The following KLC2 variants were observed in gnomAD, a reference collection of about 807,000 sequenced individuals.
KLC2 encodes kinesin light chain 2.
In KLC2, 35 loss-of-function variants were observed where a neutral mutation model predicts 75.1. That is an observed-to-expected ratio of 0.47 (90% CI 0.36 to 0.62). KLC2 has a LOEUF of 0.62. Among genes scored for constraint, KLC2 ranks in the 20% least tolerant of loss-of-function variants. The pLI is 0.00. For missense variants in KLC2, 611 were observed against 833.2 expected (o/e 0.73, Z 3.28); for synonymous variants, 314 against 336.7 (o/e 0.93, Z 0.74).
chr11:66,265,836 C>A lies in KLC2; in HGVS notation c.1444-18C>A. ...GGTGTGGTCCATTCACTGCCTGATG[C>A]CCCTGCCCCTCCCTCAGGGTTTGGA... On this transcript the variant is annotated intron_variant, in intron 12 of 15. Coordinates refer to ENST00000394067, the MANE Select transcript of KLC2 (RefSeq NM_001318734.2). 6.3e-7 allele frequency: 1 copy of A among 1,580,724 alleles called. No homozygotes were observed. Among genetic ancestry groups the A allele is most frequent in the Non-Finnish European group, 8.6e-7 (1 of 1,158,878 alleles).
chr11:66,262,225 A>C, intron 4 of KLC2, 33 bp downstream of exon 4: 1 of 1,581,878 alleles, frequency 6.3e-7, no homozygotes, highest in Non-Finnish European at 8.7e-7. Context: ...TGGGGGAAGG[A>C]AAGGTTGTGT....
In KLC2 at chr11:66,267,563, A is replaced by G. The variant is rs1001448336; in HGVS notation, c.*607A>G. ...CTGAGGGATGCGTCCTACCCGCGCC[A>G]TCGCCCCGTGGCCCAGGACGGGGAC... On this transcript the variant is annotated 3_prime_UTR_variant, in exon 16 of 16. Transcript: ENST00000394067. 2.6e-5 allele frequency: 16 copies of G among 627,044 alleles called. No homozygotes were observed. The highest frequency in any genetic ancestry group is 4.4e-5 in the Non-Finnish European group (15 of 343,244). The allele number at this position is 627,044 out of a possible 1,614,324, so 38.8% of individuals were successfully genotyped here.
rs763189913 is a variant in KLC2, at chr11:66,262,999, G to A, written c.715G>A (p.Val239Ile). The A allele has an allele frequency of 7.4e-6, 12 of 1,613,958 alleles. No homozygotes were observed. The highest frequency in any genetic ancestry group is 4.0e-5 in the African/African-American group (3 of 74,890). The change falls in exon 5 of 16, where the codon GTT (valine) becomes ATT (isoleucine). Residue 239 changes from valine (V) to isoleucine (I), a missense_variant. Val to Ile is a conservative substitution (Grantham distance 29). Coordinates refer to ENST00000394067, the MANE Select transcript of KLC2 (RefSeq NM_001318734.2). ...GACGTCAGGCCACGACCACCCTGAC[G>A]TTGCCACCATGCTGAACATCCTGGC... ...EKTSGHDHPDVATMLNILALV... is the reference protein window; with the variant it reads ...EKTSGHDHPDIATMLNILALV...
At chr11:66,263,456 C>T (rs2155031) in intron 5 of KLC2, among the ~76,000 whole-genome samples, 27,014 of 152,204 alleles carry the variant, frequency 0.18, 2,475 homozygotes, top group East Asian at 0.27. Flanking sequence ...GGGACCCCAG[C>T]ACTGCGCACC....
At chr11:66,247,487 C>T in the KLC2 span, among the ~76,000 whole-genome samples, 1 of 152,228 alleles carries the variant, frequency 6.6e-6, no homozygotes, top group Non-Finnish European at 1.5e-5. Flanking sequence ...ATTCCTCAAA[C>T]ACCACTCAGC....
At position 66,265,991 on chromosome 11, in the gene KLC2, A is replaced by T. The variant is rs1249763234; in HGVS notation, c.1581A>T (p.Gly527=). ...PRSESDLEDV[G]PTAEWNGDGS... ...CTGAGTCTGACCTCGAGGACGTGGG[A>T]CCTACAGCTGAGTGGAATGGGGTGA... Residue 527 remains glycine (G), a synonymous_variant, in exon 13 of 16, where the codon GGA becomes GGT. Transcript: ENST00000394067. The T allele has an allele frequency of 1.2e-6, 2 of 1,612,008 alleles. No homozygotes were observed. Among genetic ancestry groups the T allele is most frequent in the Non-Finnish European group, 8.5e-7 (1 of 1,178,602 alleles).
chr11:66,263,646 C>T lies in KLC2; in HGVS notation c.753-14C>T. 3 of 1,601,744 alleles carry T rather than the reference C, an allele frequency of 1.9e-6. No individual in the cohort carries two copies. Among genetic ancestry groups the T allele is most frequent in the Admixed American group, 3.3e-5 (2 of 59,988 alleles). ...CTGGAGGACAGCCCTGACCATGCTC[C>T]TACCTGCTCCCAGGGATCAGAACAA... is the stretch of plus-strand genomic sequence containing the variant. On this transcript the variant is annotated splice_polypyrimidine_tract_variant and intron_variant, in intron 5 of 15. Transcript: ENST00000394067.
At chr11:66,254,832 G>A (rs545226724), upstream of KLC2, among the ~76,000 whole-genome samples, 2 of 152,118 alleles carry the variant, frequency 1.3e-5, no homozygotes, top group African/African-American at 4.8e-5. Context: ...GGCTGAGGCA[G>A]AAGAATCGCT....
At chr11:66,266,605 A>G (rs553057769) in intron 15 of KLC2, 115 bp downstream of exon 15, 6 of 1,186,648 alleles carry the variant, frequency 5.1e-6, no homozygotes, top group African/African-American at 3.0e-5. Context: ...GCTCTGTCTC[A>G]GGCCTACTTT....
chr11:66,249,220 G>A, the KLC2 span, among the ~76,000 whole-genome samples: 5 of 152,212 alleles, frequency 3.3e-5, no homozygotes, highest in African/African-American at 1.2e-4. Context: ...CCTCAAAGGT[G>A]AATGCCCTTC....
the KLC2 span, among the ~76,000 whole-genome samples, chr11:66,245,671 G>A: frequency 2.0e-5 from 3 of 151,568 alleles, no homozygotes; most frequent in East Asian, 1.9e-4. Context: ...AGCCGAGATC[G>A]CGCCACTGTA....
chr11:66,265,080 T>A lies in KLC2; in HGVS notation c.1266+8T>A, dbSNP rs1219657517. The A allele has an allele frequency of 6.2e-7, 1 of 1,607,628 alleles. No individual in the cohort carries two copies. The highest frequency in any genetic ancestry group is 8.5e-7 in the Non-Finnish European group (1 of 1,174,490). On this transcript the variant is annotated splice_region_variant and intron_variant, in intron 10 of 15. Transcript: ENST00000394067. ...GAGCGGGAGGAAAGCAAGGTAGCTC[T>A]GTGGGGCAGGCTGGGCGGTTGTCAG...
chr11:66,256,900 C>T (rs1856061210), upstream of KLC2, among the ~76,000 whole-genome samples: 1 of 152,092 alleles, frequency 6.6e-6, no homozygotes, highest in Non-Finnish European at 1.5e-5. Flanking sequence ...GAGCAGGACC[C>T]AGACGGACAA....
chr11:66,259,148 G>T (rs1421116668), intron 2 of KLC2, among the ~76,000 whole-genome samples: 2 of 152,216 alleles, frequency 1.3e-5, no homozygotes, highest in African/African-American at 4.8e-5. Context: ...CTATTCACTC[G>T]TTAACAGATG....
At chr11:66,266,711 G>A (rs763005147) in intron 15 of KLC2, 162 bp from the exon 16 acceptor site, 24 of 839,618 alleles carry the variant, frequency 2.9e-5, no homozygotes, top group African/African-American at 6.7e-5. Flanking sequence ...GGAGATGGAC[G>A]GGAGTGTCAG....
the KLC2 span, among the ~76,000 whole-genome samples, chr11:66,248,635 C>T: frequency 6.6e-6 from 1 of 152,162 alleles, no homozygotes; most frequent in East Asian, 1.9e-4. Flanking sequence ...AAATAAATGT[C>T]CCTATTTTAT....
chr11:66,244,291 C>T, the KLC2 span: 1 of 152,504 alleles, frequency 6.6e-6, no homozygotes, highest in African/African-American at 2.4e-5. Context: ...TTTCCCTGCT[C>T]TGTTCTTCCC....
the KLC2 span, among the ~76,000 whole-genome samples, chr11:66,248,649 T>C: frequency 1.3e-5 from 2 of 152,188 alleles, no homozygotes; most frequent in Non-Finnish European, 2.9e-5. Context: ...ATTTTATGCA[T>C]GTCCTTAGTT....
At chr11:66,253,283 T>C (rs1246530298), upstream of KLC2, among the ~76,000 whole-genome samples, 1 of 152,090 alleles carries the variant, frequency 6.6e-6, no homozygotes, top group Non-Finnish European at 1.5e-5. Context: ...CTGCTGACAT[T>C]TCAAGTGGGA....
Sources: allele counts gnomAD v4.1 joint callset (sites outside exome capture counted in the v4.1 genomes callset), GRCh38; gene constraint gnomAD v4.1.1; transcripts MANE v1.5; gene names NCBI Gene and HGNC (gene_info 2026-07-23, HGNC 2026-07-21).